Variants in FAF2 observed in about 807,000 individuals in gnomAD.
The protein encoded by FAF2 is Fas associated factor family member 2.
FAF2 carries 9 observed loss-of-function variants against 62.3 expected under a neutral mutation model. The ratio of observed to expected loss-of-function variants is 0.14; its 90% CI spans 0.09 to 0.25. The LOEUF is 0.25. FAF2 is among the 10% of genes least tolerant of loss of function. The pLI, the probability that FAF2 is intolerant of heterozygous loss-of-function variation, is 1.00. For synonymous variants in FAF2, 202 were observed against 198.0 expected (o/e 1.02, Z -0.17); for missense variants, 368 against 556.2 (o/e 0.66, Z 3.40).
At chr5:176,505,034 A>G (rs1755652942) in intron 10 of FAF2, among the ~76,000 whole-genome samples, 1 of 152,126 alleles carries the variant, frequency 6.6e-6, no homozygotes, top group South Asian at 2.1e-4. Flanking sequence ...AAAAAAAAAA[A>G]AAAAAAAGTT....
chr5:176,494,318 C>A lies in FAF2; in HGVS notation c.661+43C>A. ...TGCCTCATTGAGATTGTTGGAGTAT[C>A]TTTGGAATAGTCTGGAAAGACATGC... On this transcript the variant is annotated intron_variant, in intron 7 of 10. Transcript: ENST00000261942. The surrounding 1 kb of genome is among the most constrained non-coding windows in gnomAD (Gnocchi z 4.0). The A allele has an allele frequency of 6.6e-7, 1 of 1,510,668 alleles. No individual in the cohort carries two copies. The highest frequency in any genetic ancestry group is 9.2e-7 in the Non-Finnish European group (1 of 1,087,278). The allele number at this position is 1,510,668 out of a possible 1,614,324, so 93.6% of individuals were successfully genotyped here.
At position 176,507,032 on chromosome 5, in the gene FAF2, A is replaced by G. The variant is rs1436817399; in HGVS notation, c.*82A>G. On this transcript the variant is annotated 3_prime_UTR_variant, in exon 11 of 11. Coordinates refer to ENST00000261942, the MANE Select transcript of FAF2 (RefSeq NM_014613.3). ...GAAAACAACAGCAAGTCAGAAAAAA[A>G]AAACAAGAGAGAGAAATTCATATTA... 4.2e-6 allele frequency: 4 copies of G among 955,528 alleles called. No individual in the cohort carries two copies. The East Asian group carries it at 1.2e-4, about 28-fold the overall frequency. 59.2% of individuals were successfully genotyped at this position (955,528 alleles called of 1,614,324 possible).
At chr5:176,474,585 G>A (rs909169463) in intron 1 of FAF2, among the ~76,000 whole-genome samples, 1 of 152,158 alleles carries the variant, frequency 6.6e-6, no homozygotes, top group African/African-American at 2.4e-5. Context: ...GGTTCACTCT[G>A]CTGTAAAGGT....
chr5:176,455,917 G>A (rs915872353), intron 1 of FAF2, among the ~76,000 whole-genome samples: 5 of 148,640 alleles, frequency 3.4e-5, no homozygotes, highest in Admixed American at 2.6e-4. Context: ...CATGTAAAAT[G>A]TTAAAATGAA....
rs1019248118 is a variant in FAF2, at chr5:176,494,697, G to A, written c.661+422G>A. 6.6e-6 allele frequency among the ~76,000 whole-genome samples: 1 copy of A among 152,082 alleles called. No individual in the cohort carries two copies. Among genetic ancestry groups the A allele is most frequent in the African/African-American group, 2.4e-5 (1 of 41,406 alleles). On this transcript the variant is annotated intron_variant, in intron 7 of 10. Coordinates refer to ENST00000261942, the MANE Select transcript of FAF2 (RefSeq NM_014613.3). This position sits in a 1 kb window ranked among gnomAD's most constrained non-coding sequence, Gnocchi z 4.0. ...AGCCTCCTGAGTAGCTGGAACTACA[G>A]GCATGCACCACCACGCCCAGCTAAT...
chr5:176,497,709 G>A (rs902818388), intron 8 of FAF2, among the ~76,000 whole-genome samples: 1 of 152,130 alleles, frequency 6.6e-6, no homozygotes, highest in Non-Finnish European at 1.5e-5. Flanking sequence ...ATTCCTGGAA[G>A]TGCAGTTTCT....
intron 1 of FAF2, among the ~76,000 whole-genome samples, chr5:176,465,994 G>T (rs1330420712): frequency 6.6e-6 from 1 of 152,174 alleles, no homozygotes; most frequent in Admixed American, 6.5e-5. Context: ...CCTAGACAAG[G>T]CGTGTAACTT....
intron 2 of FAF2, among the ~76,000 whole-genome samples, chr5:176,483,818 T>C (rs1031411385): frequency 5.3e-5 from 8 of 152,238 alleles, no homozygotes; most frequent in Non-Finnish European, 1.2e-4. Flanking sequence ...GGCTCACGCC[T>C]GTAATCCCAG....
intron 1 of FAF2, among the ~76,000 whole-genome samples, chr5:176,477,638 T>G (rs1049163825): frequency 2.0e-5 from 3 of 152,228 alleles, no homozygotes; most frequent in African/African-American, 7.2e-5. Flanking sequence ...TTATTGCAAG[T>G]TTTTGTACTA....
At chr5:176,502,118 AC>A (rs897156302) in intron 10 of FAF2, among the ~76,000 whole-genome samples, 6 of 152,178 alleles carry the variant, frequency 3.9e-5, no homozygotes, top group Non-Finnish European at 7.3e-5. Context: ...CACAGTATCC[AC>A]CATGTAGTAG....
chr5:176,484,291 A>G (rs1294602476), intron 2 of FAF2, among the ~76,000 whole-genome samples: 1 of 152,180 alleles, frequency 6.6e-6, no homozygotes, highest in Non-Finnish European at 1.5e-5. Flanking sequence ...TAAGTGGAAG[A>G]TTCCAGAAAT....
chr5:176,468,837 G>A (rs967085475), intron 1 of FAF2, among the ~76,000 whole-genome samples: 7 of 152,056 alleles, frequency 4.6e-5, no homozygotes, highest in Admixed American at 4.6e-4. Context: ...CTAGCTACTT[G>A]GGAGGCTGAG....
chr5:176,496,436 T>C, intron 7 of FAF2, 50 bp from the exon 8 acceptor site: 2 of 1,439,922 alleles, frequency 1.4e-6, no homozygotes, highest in Non-Finnish European at 1.9e-6. Context: ...TAAGGGTTGA[T>C]CTTTTTCACC....
rs556163403 is a variant in FAF2, at chr5:176,507,561, T to C, written c.*611T>C. 85 of 163,288 alleles carry C rather than the reference T, an allele frequency of 5.2e-4. No homozygotes were observed. The highest frequency in any genetic ancestry group is 1.5e-3 in the African/African-American group (64 of 41,700). The allele number at this position is 163,288 out of a possible 1,614,324, so 10.1% of individuals were successfully genotyped here. On this transcript the variant is annotated 3_prime_UTR_variant, in exon 11 of 11. Coordinates refer to ENST00000261942, the MANE Select transcript of FAF2 (RefSeq NM_014613.3). Reference sequence around the variant, plus strand: ...TTTATTTGATAAAGAGCCAATTCTTTAAACCCATGAGTTTATGCCCTGGGC... The same window carrying C: ...TTTATTTGATAAAGAGCCAATTCTTCAAACCCATGAGTTTATGCCCTGGGC...
At chr5:176,474,187 A>G (rs143013805) in intron 1 of FAF2, among the ~76,000 whole-genome samples, 15 of 152,274 alleles carry the variant, frequency 9.9e-5, no homozygotes, top group East Asian at 1.9e-4. Context: ...GATGTTTCCA[A>G]TTCTATCCAT....
intron 8 of FAF2, among the ~76,000 whole-genome samples, chr5:176,497,185 C>T (rs1233869659): frequency 6.6e-6 from 1 of 151,912 alleles, no homozygotes; most frequent in Non-Finnish European, 1.5e-5. Flanking sequence ...AGACAGGCCT[C>T]TGTGCTCAAG....
intron 3 of FAF2, among the ~76,000 whole-genome samples, chr5:176,486,763 GT>G (rs1308156503): frequency 5.3e-5 from 8 of 152,126 alleles, no homozygotes; most frequent in Non-Finnish European, 8.8e-5. Context: ...TGTTGCTTCA[GT>G]TTACTTAATC....
intron 2 of FAF2, among the ~76,000 whole-genome samples, chr5:176,481,772 C>T (rs371116887): frequency 1.3e-5 from 2 of 152,116 alleles, no homozygotes; most frequent in South Asian, 4.1e-4. Flanking sequence ...CCTCTGACCT[C>T]AGCTTCAAGT....
At chr5:176,470,732 C>T (rs1758551526) in intron 1 of FAF2, among the ~76,000 whole-genome samples, 1 of 152,222 alleles carries the variant, frequency 6.6e-6, no homozygotes, top group East Asian at 1.9e-4. Flanking sequence ...CAAATGAGTT[C>T]AGCACACTAG....
Sources: allele counts gnomAD v4.1 joint callset (sites outside exome capture counted in the v4.1 genomes callset), GRCh38; gene constraint gnomAD v4.1.1; non-coding constraint Gnocchi (gnomAD v3.1); transcripts MANE v1.5; gene names NCBI Gene and HGNC (gene_info 2026-07-23, HGNC 2026-07-21).